The following WWOX variants were observed in gnomAD, a reference collection of about 807,000 sequenced individuals.
The protein encoded by WWOX is WW domain-containing oxidoreductase.
In WWOX, 69 loss-of-function variants were observed where a neutral mutation model predicts 46.2. The observed-to-expected ratio is 1.49, with a 90% CI of 1.23 to 1.82. The LOEUF (loss-of-function observed/expected upper bound fraction) is 1.82, where lower values mean the gene tolerates loss of function less well. WWOX is among the 40% of genes most tolerant of loss of function. The pLI is 0.00. For missense variants in WWOX, 919 were observed against 542.6 expected (o/e 1.69, Z -6.89); for synonymous variants, 359 against 202.6 (o/e 1.77, Z -6.56).
chr16:78,627,151 G>T (rs541939189), intron 8 of WWOX, among the ~76,000 whole-genome samples: 1 of 152,212 alleles, frequency 6.6e-6, no homozygotes, highest in African/African-American at 2.4e-5. Flanking sequence ...GCAGTAGGCA[G>T]TGTGGGTGAG....
chr16:79,167,571 C>A (rs968830808), intron 8 of WWOX, among the ~76,000 whole-genome samples: 1 of 152,098 alleles, frequency 6.6e-6, no homozygotes, highest in Non-Finnish European at 1.5e-5. Context: ...CTCCACGCAT[C>A]GTAATTCCCA....
intron 8 of WWOX, among the ~76,000 whole-genome samples, chr16:78,934,485 G>T (rs1396649136): frequency 6.9e-6 from 1 of 145,280 alleles, no homozygotes; most frequent in African/African-American, 2.6e-5. Context: ...CTGCAGCCTG[G>T]GCAACAGTGC....
intron 8 of WWOX, 97 bp downstream of exon 8, chr16:78,432,849 G>T (rs2083257901): frequency 6.4e-7 from 1 of 1,569,150 alleles, no homozygotes; most frequent in Non-Finnish European, 8.8e-7. Flanking sequence ...GCATGAGTCT[G>T]GTCTCAGTAA....
chr16:78,696,103 C>T (rs1407357920), intron 8 of WWOX, among the ~76,000 whole-genome samples: 1 of 152,152 alleles, frequency 6.6e-6, no homozygotes, highest in African/African-American at 2.4e-5. Context: ...GCAGGAGAAG[C>T]AGGAAACATA....
chr16:79,136,344 C>G (rs1169393496), intron 8 of WWOX, among the ~76,000 whole-genome samples: 2 of 152,050 alleles, frequency 1.3e-5, no homozygotes, highest in Admixed American at 6.6e-5. Context: ...GATTCTCCTG[C>G]CTCCGCCTCC....
At chr16:78,157,389 G>A (rs2034642488) in intron 4 of WWOX, among the ~76,000 whole-genome samples, 1 of 152,120 alleles carries the variant, frequency 6.6e-6, no homozygotes, top group Non-Finnish European at 1.5e-5. Context: ...GGTGTCTTTT[G>A]CTCACTGGTG....
intron 5 of WWOX, among the ~76,000 whole-genome samples, chr16:78,350,051 C>T (rs1376632575): frequency 1.7e-5 from 2 of 121,096 alleles, no homozygotes; most frequent in African/African-American, 2.8e-5. Flanking sequence ...TTTTATTGAA[C>T]TTAATGATAA....
In WWOX at chr16:78,594,501, C is replaced by T. The variant is rs144628482; in HGVS notation, c.1056+161749C>T. ...CTTGCCAGCTGGCACACAGCTTCCT[C>T]TGACCACCCTGCTAGGTACAAATCC... On this transcript the variant is annotated intron_variant, in intron 8 of 8. Coordinates refer to ENST00000566780, the MANE Select transcript of WWOX (RefSeq NM_016373.4). 9.2e-4 allele frequency among the ~76,000 whole-genome samples: 130 copies of T among 141,580 alleles called. No homozygotes were observed. The East Asian group carries it at 0.022, about 24-fold the overall frequency. The allele number at this position is 141,580 out of a possible 152,430, so 92.9% of individuals were successfully genotyped here. A position where few individuals can be genotyped will look rare whatever the true frequency, so the allele number is the denominator to read the frequency against.
intron 8 of WWOX, among the ~76,000 whole-genome samples, chr16:78,482,735 T>C (rs568021202): frequency 1.2e-4 from 18 of 152,270 alleles, no homozygotes; most frequent in Middle Eastern, 3.4e-3. Flanking sequence ...AGAGCACTTA[T>C]TGGCGCTAAG....
At chr16:79,196,175 G>A (rs2051236240) in intron 8 of WWOX, among the ~76,000 whole-genome samples, 1 of 152,196 alleles carries the variant, frequency 6.6e-6, no homozygotes, top group African/African-American at 2.4e-5. Flanking sequence ...TTCTTCACCT[G>A]TTGGTGAACA....
intron 8 of WWOX, among the ~76,000 whole-genome samples, chr16:78,817,870 T>C (rs1275788648): frequency 1.3e-5 from 2 of 152,112 alleles, no homozygotes; most frequent in African/African-American, 4.8e-5. Context: ...TTGTCATAGG[T>C]CATTTTCTTT....
At chr16:79,172,373 C>G (rs958146257) in intron 8 of WWOX, among the ~76,000 whole-genome samples, 1 of 152,134 alleles carries the variant, frequency 6.6e-6, no homozygotes, top group Non-Finnish European at 1.5e-5. Flanking sequence ...GAGCAGGCAG[C>G]CCTTTTAAAC....
intron 5 of WWOX, among the ~76,000 whole-genome samples, chr16:78,333,007 G>T (rs1283853813): frequency 1.4e-5 from 2 of 144,890 alleles, no homozygotes; most frequent in Admixed American, 7.0e-5. Flanking sequence ...AAGATTCTTC[G>T]CTTGGGTATT....
chr16:78,902,449 A>G (rs1192519038), intron 8 of WWOX, among the ~76,000 whole-genome samples: 4 of 152,210 alleles, frequency 2.6e-5, no homozygotes, highest in Non-Finnish European at 5.9e-5. Flanking sequence ...CGGGAGAGGC[A>G]AGGCTAAGAG....
At chr16:78,669,398 C>T (rs1356434293) in intron 8 of WWOX, among the ~76,000 whole-genome samples, 2 of 152,180 alleles carry the variant, frequency 1.3e-5, no homozygotes, top group Non-Finnish European at 2.9e-5. Context: ...CAGCATTGCT[C>T]CCCAGGGGAT....
chr16:79,127,981 C>G (rs1403660400), intron 8 of WWOX, among the ~76,000 whole-genome samples: 1 of 152,062 alleles, frequency 6.6e-6, no homozygotes, highest in East Asian at 1.9e-4. Context: ...GATAGAGGAA[C>G]AAGAGAGAGA....
At chr16:78,282,157 G>C (rs1039260888) in intron 5 of WWOX, among the ~76,000 whole-genome samples, 1 of 152,168 alleles carries the variant, frequency 6.6e-6, no homozygotes, top group African/African-American at 2.4e-5. Context: ...ATAATTCTCT[G>C]CTTCTCCACG....
intron 1 of WWOX, among the ~76,000 whole-genome samples, chr16:78,101,269 G>C (rs1023563094): frequency 6.7e-6 from 1 of 148,782 alleles, no homozygotes; most frequent in Non-Finnish European, 1.5e-5. Flanking sequence ...GGATGGTCTC[G>C]ATCTCCTGAC....
At chr16:79,014,334 G>A (rs1013437567) in intron 8 of WWOX, among the ~76,000 whole-genome samples, 1 of 152,100 alleles carries the variant, frequency 6.6e-6, no homozygotes, top group Non-Finnish European at 1.5e-5. Flanking sequence ...CTGGCAGTCG[G>A]GCAGTGACAT....
Sources: allele counts gnomAD v4.1 joint callset (sites outside exome capture counted in the v4.1 genomes callset), GRCh38; gene constraint gnomAD v4.1.1; transcripts MANE v1.5; gene names NCBI Gene and HGNC (gene_info 2026-07-23, HGNC 2026-07-21).